Variants in MYRIP observed in about 807,000 individuals in gnomAD.
MYRIP encodes myosin VIIA and Rab interacting protein, also known as rab effector MyRIP.
MYRIP carries 49 observed loss-of-function variants against 98.0 expected under a neutral mutation model. That is an observed-to-expected ratio of 0.50 (90% CI 0.40 to 0.63). The LOEUF (loss-of-function observed/expected upper bound fraction) is 0.63, where lower values mean the gene tolerates loss of function less well. Ranked by LOEUF, MYRIP falls within the 30% of genes least tolerant of loss-of-function variation. The probability of loss-of-function intolerance (pLI) is 0.00; values close to 1 mark genes in which losing one functional copy is unlikely to be tolerated. For synonymous variants in MYRIP, 404 were observed against 409.5 expected, an observed-to-expected ratio of 0.99 and a Z score of 0.16; for missense variants, 1,004 against 1,058.2, an observed-to-expected ratio of 0.95 and a Z score of 0.71.
At chr3:40,215,071 T>C (rs1381602947) in intron 11 of MYRIP, among the ~76,000 whole-genome samples, 1 of 152,226 alleles carries the variant, frequency 6.6e-6, no homozygotes, top group Non-Finnish European at 1.5e-5. Flanking sequence ...ATGTCCTATG[T>C]ATCAATCTTT....
At chr3:39,833,276 G>A (rs533055920) in intron 1 of MYRIP, among the ~76,000 whole-genome samples, 3 of 152,194 alleles carry the variant, frequency 2.0e-5, no homozygotes, top group East Asian at 3.9e-4. Context: ...TATCTTTCGC[G>A]TTTTATAAAT....
At chr3:40,245,239 C>T (rs977458348) in intron 13 of MYRIP, among the ~76,000 whole-genome samples, 8 of 152,210 alleles carry the variant, frequency 5.3e-5, no homozygotes, top group Non-Finnish European at 1.0e-4. Flanking sequence ...GAAGTTTTCA[C>T]AGATATTCCC....
intron 1 of MYRIP, among the ~76,000 whole-genome samples, chr3:39,862,217 A>G (rs1007331117): frequency 6.6e-6 from 1 of 152,328 alleles, no homozygotes; most frequent in South Asian, 2.1e-4. Context: ...CCAAACAAGA[A>G]TTTCATTTCC....
At chr3:40,187,957 A>T (rs1392862769) in intron 9 of MYRIP, among the ~76,000 whole-genome samples, 3 of 152,192 alleles carry the variant, frequency 2.0e-5, no homozygotes, top group Admixed American at 2.0e-4. Flanking sequence ...AGGCAAGAGC[A>T]GCAGAGAAAG....
chr3:40,150,472 G>A lies in MYRIP; in HGVS notation c.333-576G>A, dbSNP rs572662335. Among the ~76,000 whole-genome samples the A allele has an allele frequency of 8.7e-4, 132 of 152,334 alleles. 1 individual carries two copies. The highest frequency in any genetic ancestry group is 3.1e-3 in the African/African-American group (129 of 41,578). On this transcript the variant is annotated intron_variant, in intron 3 of 16. Transcript: ENST00000302541. ...CCCAGAGTGCTTCAATCTGAATGAG[G>A]AAGAGGCTGGAGAATTTTGCTATCT... is the stretch of plus-strand genomic sequence containing the variant.
chr3:39,984,445 C>T (rs1945980268), intron 2 of MYRIP, among the ~76,000 whole-genome samples: 1 of 151,640 alleles, frequency 6.6e-6, no homozygotes, highest in Non-Finnish European at 1.5e-5. Flanking sequence ...TCTCATTGTT[C>T]AATTCCCACC....
At chr3:39,811,948 A>G (rs1940710875) in intron 1 of MYRIP, among the ~76,000 whole-genome samples, 2 of 152,188 alleles carry the variant, frequency 1.3e-5, no homozygotes, top group Non-Finnish European at 2.9e-5. Flanking sequence ...TATCCCGTAG[A>G]AAACAAGGCT....
intron 3 of MYRIP, among the ~76,000 whole-genome samples, chr3:40,083,512 G>C (rs1490792218): frequency 6.6e-6 from 1 of 152,152 alleles, no homozygotes; most frequent in Non-Finnish European, 1.5e-5. Context: ...GCAAAGGGAA[G>C]AAGAATACTG....
intron 3 of MYRIP, among the ~76,000 whole-genome samples, chr3:40,086,705 A>G (rs1418676867): frequency 6.6e-6 from 1 of 152,194 alleles, no homozygotes. Context: ...CAGTTCCACT[A>G]TGCATCAGAG....
At chr3:40,026,688 T>G (rs181938052) in intron 2 of MYRIP, among the ~76,000 whole-genome samples, 1 of 152,298 alleles carries the variant, frequency 6.6e-6, no homozygotes, top group Non-Finnish European at 1.5e-5. Context: ...CATTCACTGT[T>G]CAGTCTGCAA....
intron 2 of MYRIP, among the ~76,000 whole-genome samples, chr3:40,018,839 G>A (rs527386091): frequency 2.5e-4 from 38 of 152,102 alleles, no homozygotes; most frequent in Non-Finnish European, 5.4e-4. Flanking sequence ...GAAAAATACT[G>A]GAAAGAAATG....
intron 2 of MYRIP, among the ~76,000 whole-genome samples, chr3:39,981,286 G>C (rs1412346477): frequency 6.6e-6 from 1 of 152,204 alleles, no homozygotes; most frequent in African/African-American, 2.4e-5. Flanking sequence ...GCCAAATATA[G>C]TGGACTTCCT....
At chr3:40,176,775 G>C (rs533748982) in intron 8 of MYRIP, among the ~76,000 whole-genome samples, 1 of 151,760 alleles carries the variant, frequency 6.6e-6, no homozygotes, top group Admixed American at 6.6e-5. Flanking sequence ...TGGGTGTGGT[G>C]GTGGGCACCT....
At chr3:39,828,859 T>G (rs1941350013) in intron 1 of MYRIP, among the ~76,000 whole-genome samples, 1 of 152,228 alleles carries the variant, frequency 6.6e-6, no homozygotes, top group African/African-American at 2.4e-5. Context: ...TATCAGAGTT[T>G]CTTTATCCAC....
intron 11 of MYRIP, among the ~76,000 whole-genome samples, chr3:40,214,847 G>A (rs1952070798): frequency 6.6e-6 from 1 of 152,076 alleles, no homozygotes; most frequent in South Asian, 2.1e-4. Context: ...CTCCTAAAGG[G>A]GGATGCAAAA....
Position 40,046,542 on chromosome 3 carries a change from G to T in MYRIP, c.332+2271G>T, listed in dbSNP as rs189450481. On this transcript the variant is annotated intron_variant, in intron 3 of 16. Coordinates refer to ENST00000302541, the MANE Select transcript of MYRIP (RefSeq NM_015460.4). The stretch of plus-strand genomic sequence containing the variant: ...CAGAGACTGTTAGATGTCCTAAAGG[G>T]GTTTCATGGAAAAGGAGGGCATCCT... Among the ~76,000 whole-genome samples, 3 of 147,608 alleles carry T rather than the reference G, an allele frequency of 2.0e-5. No individual in the cohort carries two copies. The East Asian group carries it at 6.0e-4, about 29-fold the overall frequency.
intron 2 of MYRIP, among the ~76,000 whole-genome samples, chr3:39,953,941 A>G (rs895202706): frequency 6.6e-6 from 1 of 152,168 alleles, no homozygotes; most frequent in African/African-American, 2.4e-5. Flanking sequence ...TTGAACTGCA[A>G]GGTGGCAGGG....
chr3:40,000,187 AATT>A (rs1946486405), intron 2 of MYRIP, among the ~76,000 whole-genome samples: 2 of 152,152 alleles, frequency 1.3e-5, no homozygotes. Flanking sequence ...AATTACAATA[AATT>A]ATTGTTAACT....
chr3:39,879,700 C>T (rs1346848241), intron 1 of MYRIP, among the ~76,000 whole-genome samples: 1 of 152,142 alleles, frequency 6.6e-6, no homozygotes, highest in African/African-American at 2.4e-5. Flanking sequence ...AACTTGTTGG[C>T]CTTCAACTCC....
Sources: gnomAD v4.1 joint callset for allele counts (sites outside exome capture counted in the v4.1 genomes callset) on GRCh38, gnomAD v4.1.1 for gene constraint, MANE v1.5 for transcripts, NCBI Gene and HGNC (gene_info 2026-07-23, HGNC 2026-07-21) for gene names.